FRMD4B: variants seen among roughly 807,000 people sequenced by gnomAD.
FRMD4B encodes the protein FERM domain-containing protein 4B.
A neutral mutation model predicts 141.5 loss-of-function variants in FRMD4B; 74 were observed. That is an observed-to-expected ratio of 0.52 (90% CI 0.43 to 0.63). The LOEUF (loss-of-function observed/expected upper bound fraction) is 0.63. Among genes scored for constraint, FRMD4B ranks in the 30% least tolerant of loss-of-function variants. FRMD4B has a pLI of 0.00. For synonymous variants in FRMD4B, 506 were observed against 467.9 expected, an observed-to-expected ratio of 1.08 and a Z score of -1.05; for missense variants, 1,366 against 1,253.4, an observed-to-expected ratio of 1.09 and a Z score of -1.36.
At chr3:69,477,237 C>A (rs1370270962) in intron 1 of FRMD4B, among the ~76,000 whole-genome samples, 360 of 143,346 alleles carry the variant, frequency 2.5e-3, no homozygotes, top group African/African-American at 5.7e-3. Flanking sequence ...ACTTCCAACA[C>A]TATGTTGAAT....
chr3:69,463,423 T>C (rs1029316312), intron 1 of FRMD4B, among the ~76,000 whole-genome samples: 1 of 152,230 alleles, frequency 6.6e-6, no homozygotes, highest in African/African-American at 2.4e-5. Context: ...ACTTCCAGGG[T>C]AGACCAAAAT....
chr3:69,475,792 C>A (rs1705985876), intron 1 of FRMD4B, among the ~76,000 whole-genome samples: 1 of 151,394 alleles, frequency 6.6e-6, no homozygotes, highest in African/African-American at 2.4e-5. Context: ...CCGACTTCCA[C>A]AATGGTTGAA....
At chr3:69,485,292 G>A (rs534249676) in intron 1 of FRMD4B, among the ~76,000 whole-genome samples, 45 of 152,342 alleles carry the variant, frequency 3.0e-4, no homozygotes, top group East Asian at 5.8e-4. Flanking sequence ...AACAGGCACC[G>A]CAGAGCCTGC....
chr3:69,252,255 A>G (rs541440556), intron 5 of FRMD4B, among the ~76,000 whole-genome samples: 24 of 152,346 alleles, frequency 1.6e-4, no homozygotes, highest in African/African-American at 5.5e-4. Flanking sequence ...AGTATTAAAA[A>G]TGCTGAAATG....
At chr3:69,258,603 T>C (rs1433140858) in intron 5 of FRMD4B, among the ~76,000 whole-genome samples, 1 of 152,200 alleles carries the variant, frequency 6.6e-6, no homozygotes, top group Admixed American at 6.5e-5. Flanking sequence ...TGCAAATGCA[T>C]ATTATTTACT....
chr3:69,324,917 A>T (rs1216023092), intron 1 of FRMD4B, among the ~76,000 whole-genome samples: 7 of 151,804 alleles, frequency 4.6e-5, no homozygotes, highest in Non-Finnish European at 8.8e-5. Context: ...CAACAGGGTA[A>T]GACCCTGTCT....
chr3:69,389,468 C>T (rs867911756), upstream of FRMD4B, among the ~76,000 whole-genome samples: 4 of 152,180 alleles, frequency 2.6e-5, no homozygotes, highest in Admixed American at 1.3e-4. Flanking sequence ...TTTCAGGGAG[C>T]AGTTCTGTTG....
At chr3:69,524,653 T>A (rs1169907478) in intron 1 of FRMD4B, among the ~76,000 whole-genome samples, 1 of 152,134 alleles carries the variant, frequency 6.6e-6, no homozygotes, top group Non-Finnish European at 1.5e-5. Context: ...ATCCTATGGT[T>A]AAAGATGGCT....
chr3:69,203,341 A>AAAT, intron 11 of FRMD4B, among the ~76,000 whole-genome samples: 1 of 77,042 alleles, frequency 1.3e-5, no homozygotes, highest in Non-Finnish European at 2.6e-5. Flanking sequence ...AAAAAAAAAA[A>AAAT]AAAGAAAGAA....
chr3:69,322,523 T>A (rs953639872), intron 1 of FRMD4B, among the ~76,000 whole-genome samples: 5 of 152,078 alleles, frequency 3.3e-5, no homozygotes, highest in Non-Finnish European at 5.9e-5. Context: ...GTGCTTCACA[T>A]GTGTAGTGAC....
intron 9 of FRMD4B, among the ~76,000 whole-genome samples, chr3:69,219,661 C>T (rs1163385270): frequency 6.6e-6 from 1 of 151,702 alleles, no homozygotes; most frequent in Non-Finnish European, 1.5e-5. Flanking sequence ...GCAGGATGTG[C>T]AGGTTTGTTA....
chr3:69,231,380 T>A (rs539992707), intron 7 of FRMD4B, among the ~76,000 whole-genome samples: 7 of 152,292 alleles, frequency 4.6e-5, no homozygotes, highest in African/African-American at 1.7e-4. Flanking sequence ...CTCCGCCTCC[T>A]GGGTTTAAAC....
intron 8 of FRMD4B, 77 bp from the exon 9 acceptor site, chr3:69,222,000 G>T (rs374336142): frequency 1.4e-5 from 11 of 791,918 alleles, no homozygotes; most frequent in African/African-American, 1.2e-4. Flanking sequence ...ATTATCAGGT[G>T]GCTGTCAGGA....
At chr3:69,533,603 T>A (rs1701034992) in intron 1 of FRMD4B, among the ~76,000 whole-genome samples, 2 of 152,228 alleles carry the variant, frequency 1.3e-5, no homozygotes, top group African/African-American at 2.4e-5. Context: ...TGATCCAACA[T>A]TCCATGCTGA....
At chr3:69,416,054 A>T (rs994961518) in intron 2 of FRMD4B, among the ~76,000 whole-genome samples, 10 of 152,324 alleles carry the variant, frequency 6.6e-5, no homozygotes, top group Middle Eastern at 3.4e-3. Context: ...ATATAGGGGA[A>T]CCACTTTTTG....
chr3:69,242,489 T>A (rs1462622387), intron 7 of FRMD4B, among the ~76,000 whole-genome samples: 1 of 5,766 alleles, frequency 1.7e-4, no homozygotes, highest in Non-Finnish European at 7.4e-4. Flanking sequence ...TTTTTTTTTT[T>A]TTTTTTTTTT....
intron 1 of FRMD4B, chr3:69,472,271 G>A (rs770786645): frequency 6.0e-5 from 21 of 352,422 alleles, no homozygotes; most frequent in Admixed American, 1.2e-4. Context: ...CTTGTTGGCT[G>A]TTGTTTATGT....
Position 69,216,312 on chromosome 3 carries a change from T to G in FRMD4B, c.827A>C (p.Tyr276Ser), listed in dbSNP as rs367868060. The part of the protein sequence containing the change: ...QGLPWWLGIS[Y>S]KGIGQYDIQD... ...TATATCATATTGGCCAATTCCCTTATAGCTTATTCCAAGCCACCAAGGAAG... is the reference window on the plus strand; with the variant it reads ...TATATCATATTGGCCAATTCCCTTAGAGCTTATTCCAAGCCACCAAGGAAG... The change falls in exon 11 of 23, where the codon TAT (tyrosine) becomes TCT (serine). Residue 276 changes from tyrosine (Y) to serine (S), a missense_variant. Transcript: ENST00000398540. The G allele has an allele frequency of 1.9e-6, 3 of 1,576,168 alleles. No homozygotes were observed. Among genetic ancestry groups the G allele is most frequent in the Non-Finnish European group, 2.6e-6 (3 of 1,154,852 alleles).
At chr3:69,209,143 CAA>C (rs372843775) in intron 11 of FRMD4B, among the ~76,000 whole-genome samples, 40 of 108,664 alleles carry the variant, frequency 3.7e-4, no homozygotes, top group Admixed American at 7.0e-4. Flanking sequence ...GAATCCATCT[CAA>C]AAAAAAAAAA....
Sources: gnomAD v4.1 joint callset for allele counts (sites outside exome capture counted in the v4.1 genomes callset) on GRCh38, gnomAD v4.1.1 for gene constraint, MANE v1.5 for transcripts, NCBI Gene and HGNC (gene_info 2026-07-23, HGNC 2026-07-21) for gene names.